Variants in NOP56 observed in about 807,000 individuals in gnomAD.
NOP56 encodes the protein nucleolar protein 56.
NOP56 carries 31 observed loss-of-function variants against 58.3 expected under a neutral mutation model. The ratio of observed to expected loss-of-function variants is 0.53; its 90% CI spans 0.40 to 0.72. The LOEUF is 0.72. Among genes scored for constraint, NOP56 ranks in the 30% least tolerant of loss-of-function variants. The probability of loss-of-function intolerance (pLI) is 0.00; values close to 1 mark genes in which losing one functional copy is unlikely to be tolerated. For synonymous variants in NOP56, 313 were observed against 282.8 expected (o/e 1.11, Z -1.07); for missense variants, 669 against 739.9 (o/e 0.90, Z 1.11).
intron 9 of NOP56, 87 bp from the exon 10 acceptor site, chr20:2,656,687 C>T (rs2086824398): frequency 1.9e-6 from 3 of 1,611,144 alleles, no homozygotes; most frequent in Non-Finnish European, 2.5e-6. Context: ...GACTCTGGGT[C>T]TGAGTGAAGC....
In NOP56 at chr20:2,657,064, C is replaced by T; in HGVS notation, c.1282-17C>T. 6.2e-7 allele frequency: 1 copy of T among 1,614,028 alleles called. No individual in the cohort carries two copies. The highest frequency in any genetic ancestry group is 8.5e-7 in the Non-Finnish European group (1 of 1,180,002). ...ACCAGAAGTCTTCAGGCCCTTTTAG[C>T]ACTTTTCTTTGACCAGGCAGAGGAA... On this transcript the variant is annotated splice_polypyrimidine_tract_variant and intron_variant, in intron 10 of 11. Coordinates refer to ENST00000329276, the MANE Select transcript of NOP56 (RefSeq NM_006392.4).
chr20:2,655,995 C>T lies in NOP56; in HGVS notation c.971C>T (p.Ser324Phe). 1 of 1,614,222 alleles carries T rather than the reference C, an allele frequency of 6.2e-7. No individual in the cohort carries two copies. Among genetic ancestry groups the T allele is most frequent in the Non-Finnish European group, 8.5e-7 (1 of 1,180,044 alleles). Residue 324 changes from serine (S) to phenylalanine (F), a missense_variant, in exon 8 of 12, where the codon TCC becomes TTC. This residue lies in a region of NOP56 where 339 missense variants were observed against 430.5 expected (regional missense o/e 0.79). Transcript: ENST00000329276. ...ACCAACCTGGCCAAGTATCCAGCATCCACAGTGCAGATCCTTGGGGCTGAA... is the reference window on the plus strand; with the variant it reads ...ACCAACCTGGCCAAGTATCCAGCATTCACAGTGCAGATCCTTGGGGCTGAA... ...SLTNLAKYPASTVQILGAEKA... is the reference protein window; with the variant it reads ...SLTNLAKYPAFTVQILGAEKA...
intron 3 of NOP56, 61 bp downstream of exon 3, chr20:2,653,454 C>T (rs1274954329): frequency 1.4e-6 from 2 of 1,413,452 alleles, no homozygotes; most frequent in Non-Finnish European, 2.0e-6. Flanking sequence ...TCCTCTCGGG[C>T]AGCTTGTGAT....
chr20:2,656,825 G>A lies in NOP56; in HGVS notation c.1211G>A (p.Arg404Gln), dbSNP rs145617434. The change falls in exon 10 of 12, where the codon CGA becomes CAA. Residue 404 changes from arginine to glutamine, a missense_variant. By Grantham distance (43) the Arg-to-Gln change is conservative. Coordinates refer to ENST00000329276, the MANE Select transcript of NOP56 (RefSeq NM_006392.4). ...GEKLREQVEERLSFYETGEIP... is the reference protein window; with the variant it reads ...GEKLREQVEEQLSFYETGEIP... ...AAGCTTCGAGAACAAGTTGAAGAGC[G>A]ACTGTCCTTCTATGAGACTGGAGAG... 6.2e-6 allele frequency: 10 copies of A among 1,613,984 alleles called. No homozygotes were observed. Among genetic ancestry groups the A allele is most frequent in the African/African-American group, 2.7e-5 (2 of 74,894 alleles).
At position 2,655,634 on chromosome 20, in the gene NOP56, G is replaced by A; in HGVS notation, c.797G>A (p.Ser266Asn). ...ISAIDLINIE[S>N]FSSRVVSLSE... ...GCCATTGACTTGATAAACATCGAGA[G>A]CTTCTCCAGTCGTGTGGTGTCTTTA... The change falls in exon 7 of 12, where the codon AGC (serine) becomes AAC (asparagine). Residue 266 changes from serine (S) to asparagine (N), a missense_variant. Physicochemically the swap from Ser to Asn is conservative, Grantham distance 46 (BLOSUM62 1). Around this residue, in one of 3 missense-constraint regions of NOP56, gnomAD observed 339 missense variants for 430.5 expected, o/e 0.79. Coordinates refer to ENST00000329276, the MANE Select transcript of NOP56 (RefSeq NM_006392.4). 4 of 1,614,200 alleles carry A rather than the reference G, an allele frequency of 2.5e-6. No individual in the cohort carries two copies. Among genetic ancestry groups the A allele is most frequent in the Non-Finnish European group, 3.4e-6 (4 of 1,180,044 alleles).
chr20:2,652,748 C>T (rs1212707632), intron 1 of NOP56, 85 bp downstream of exon 1: 1 of 1,527,584 alleles, frequency 6.5e-7, no homozygotes, highest in African/African-American at 1.4e-5. Context: ...TGGGCCTGGG[C>T]CTGGGCCTGC....
At position 2,655,233 on chromosome 20, in the gene NOP56, T is replaced by G. The variant is rs561324297; in HGVS notation, c.570-92T>G. 2.1e-5 allele frequency: 31 copies of G among 1,469,922 alleles called. No individual in the cohort carries two copies. The South Asian group carries it at 3.1e-4, about 15-fold the overall frequency. The allele number at this position is 1,469,922 out of a possible 1,614,324, so 91.1% of individuals were successfully genotyped here. ...AGATTTGGATCTTTGTCCCATTTCC[T>G]CCAGGCAGAGTAGGTGTGGAGAAGG... On this transcript the variant is annotated intron_variant, in intron 5 of 11. Coordinates refer to ENST00000329276, the MANE Select transcript of NOP56 (RefSeq NM_006392.4).
chr20:2,653,380 C>T lies in NOP56; in HGVS notation c.195C>T (p.Asn65=). The T allele has an allele frequency of 3.1e-6, 5 of 1,613,984 alleles. 1 individual carries two copies. The highest frequency in any genetic ancestry group is 4.2e-6 in the Non-Finnish European group (5 of 1,179,842). The change falls in exon 3 of 12, where the codon AAC becomes AAT. Residue 65 remains asparagine, a synonymous_variant. Transcript: ENST00000329276. ...CCCAGGTTGCCTTGGAAAATGCCAA[C>T]GCCGTGTCTGAAGGTAAGTCGGCCA... ...ASSQVALENA[N]AVSEGVVHED...
intron 1 of NOP56, 26 bp downstream of exon 1, chr20:2,652,689 C>T (rs1201272850): frequency 2.7e-6 from 4 of 1,464,454 alleles, no homozygotes; most frequent in Non-Finnish European, 2.7e-6. Context: ...GGGGCGCGGG[C>T]GACGCGACGG....
At chr20:2,656,059 A>T (rs1280589280) in intron 8 of NOP56, 25 bp downstream of exon 8, 3 of 1,614,016 alleles carry the variant, frequency 1.9e-6, no homozygotes, top group Non-Finnish European at 8.5e-7. Context: ...ACCTGCCCAC[A>T]ATCAGGTGCC....
chr20:2,657,779 G>A (rs2086846020), intron 11 of NOP56, 150 bp from the exon 12 acceptor site: 1 of 834,482 alleles, frequency 1.2e-6, no homozygotes, highest in South Asian at 2.2e-5. Context: ...AGCCTTTGGG[G>A]TGGATTTCTA....
rs1289350924 is a variant in NOP56, at chr20:2,655,758, G to T, written c.909+12G>T. ...TAATTGGGGAAGCGGTGCGTCACAG[G>T]GGACTCAAAAATGGGAGAATAAGGA... On this transcript the variant is annotated intron_variant, in intron 7 of 11. Coordinates refer to ENST00000329276, the MANE Select transcript of NOP56 (RefSeq NM_006392.4). 2 of 1,614,084 alleles carry T rather than the reference G, an allele frequency of 1.2e-6. No homozygotes were observed. Among genetic ancestry groups the T allele is most frequent in the South Asian group, 1.1e-5 (1 of 91,068 alleles).
intron 8 of NOP56, 116 bp from the exon 9 acceptor site, chr20:2,656,285 A>G (rs1194699712): frequency 6.2e-7 from 1 of 1,605,338 alleles, no homozygotes; most frequent in Non-Finnish European, 8.5e-7. Context: ...GTAGAGATCC[A>G]ATCTGGCCTG....
At chr20:2,657,619 G>A in intron 11 of NOP56, 1 of 506,704 alleles carries the variant, frequency 2.0e-6, no homozygotes, top group Non-Finnish European at 3.5e-6. Flanking sequence ...TTTTCATTTA[G>A]CACCCAGTTT....
At chr20:2,654,715 C>G (rs538204330) in intron 4 of NOP56, 34 bp from the exon 5 acceptor site, 7 of 1,611,452 alleles carry the variant, frequency 4.3e-6, no homozygotes, top group Non-Finnish European at 5.9e-6. Context: ...TAGCTCAGAG[C>G]CCCTTGTTGC....
intron 2 of NOP56, 96 bp downstream of exon 2, chr20:2,653,027 G>T: frequency 1.7e-6 from 2 of 1,166,590 alleles, no homozygotes; most frequent in Admixed American, 2.5e-5. Context: ...CGGCCGAGCG[G>T]TTCGGGGCGG....
chr20:2,658,290 A>G lies in NOP56; in HGVS notation c.1781A>G (p.Asp594Gly). Residue 594 changes from aspartate (D) to glycine (G), a missense_variant, in exon 12 of 12, where the codon GAT (aspartate) becomes GGT (glycine). Physicochemically the swap from Asp to Gly is moderately conservative, Grantham distance 94 (BLOSUM62 -1). Around this residue, in one of 3 missense-constraint regions of NOP56, gnomAD observed 209 missense variants for 196.2 expected, o/e 1.07. Transcript: ENST00000329276. ...KKKFHKASQE[D>G] is the part of the protein sequence containing the mutation. ...AAGTTCCATAAAGCATCCCAGGAAG[A>G]TTAGAATGCAAATGGACATTCTCTG... The G allele has an allele frequency of 1.3e-6, 2 of 1,597,140 alleles. No homozygotes were observed. Among genetic ancestry groups the G allele is most frequent in the South Asian group, 1.1e-5 (1 of 88,570 alleles).
Position 2,658,007 on chromosome 20 carries a change from T to A in NOP56, c.1498T>A (p.Ser500Thr), listed in dbSNP as rs1363448864. The change falls in exon 12 of 12, where the codon TCT becomes ACT. Residue 500 changes from serine to threonine, a missense_variant. Coordinates refer to ENST00000329276, the MANE Select transcript of NOP56 (RefSeq NM_006392.4). ...TCAGGAGAATGGAATGGAAGACCCA[T>A]CTATCTCTTTCTCCAAACCCAAGAA... ...VPQENGMEDP[S>T]ISFSKPKKKK... 1 of 1,612,718 alleles carries A rather than the reference T, an allele frequency of 6.2e-7. No homozygotes were observed. Among genetic ancestry groups the A allele is most frequent in the South Asian group, 1.1e-5 (1 of 91,042 alleles).
chr20:2,658,133 G>GA lies in NOP56; in HGVS notation c.1627dup (p.Thr543AsnfsTer3). 1 of 1,614,070 alleles carries GA rather than the reference G, an allele frequency of 6.2e-7. No individual in the cohort carries two copies. Among genetic ancestry groups the GA allele is most frequent in the Non-Finnish European group, 8.5e-7 (1 of 1,179,982 alleles). ...GAGGAAGAAGTCTACACCCAAGGAGGAAACAGTTAATGACCCTGAGGAGGC... is the reference window on the plus strand; with the variant it reads ...GAGGAAGAAGTCTACACCCAAGGAGGAAAACAGTTAATGACCCTGAGGAGGC... On this transcript the variant is annotated frameshift_variant, in exon 12 of 12. Transcript: ENST00000329276. LOFTEE classifies it low-confidence loss of function (END_TRUNC).
Sources: gnomAD v4.1 joint callset for allele counts on GRCh38, gnomAD v4.1.1 for gene constraint, gnomAD v4.1.1 regional missense constraint, MANE v1.5 for transcripts, NCBI Gene and HGNC (gene_info 2026-07-23, HGNC 2026-07-21) for gene names.